Variants in NCAM2 observed in about 807,000 individuals in gnomAD.
NCAM2 encodes N-CAM-2.
Under a neutral mutation model 98.1 loss-of-function variants are expected in NCAM2, and 30 were observed. The observed-to-expected ratio is 0.31, with a 90% confidence interval of 0.23 to 0.41. The LOEUF (loss-of-function observed/expected upper bound fraction) is 0.41. Ranked by LOEUF, NCAM2 falls within the 10% of genes least tolerant of loss-of-function variation. NCAM2 has a pLI of 1.00. For synonymous variants in NCAM2, 368 were observed against 342.4 expected (o/e 1.07, Z -0.83); for missense variants, 867 against 1,005.8 (o/e 0.86, Z 1.87).
chr21:21,527,403 A>G (rs1989387000), intron 16 of NCAM2, among the ~76,000 whole-genome samples: 1 of 152,172 alleles, frequency 6.6e-6, no homozygotes, highest in Non-Finnish European at 1.5e-5. Flanking sequence ...AGACATTGTT[A>G]AGTGAATGAA....
intron 1 of NCAM2, among the ~76,000 whole-genome samples, chr21:21,149,914 C>T (rs1409982263): frequency 1.3e-5 from 2 of 151,990 alleles, no homozygotes; most frequent in Non-Finnish European, 2.9e-5. Flanking sequence ...GATTTATAAT[C>T]CTTTGGGTAT....
chr21:21,155,882 G>A (rs569887171), intron 1 of NCAM2, among the ~76,000 whole-genome samples: 4 of 152,008 alleles, frequency 2.6e-5, no homozygotes, highest in East Asian at 1.9e-4. Context: ...AATACTAGCA[G>A]ATACTTTGGG....
intron 4 of NCAM2, among the ~76,000 whole-genome samples, chr21:21,289,245 A>G (rs187813690): frequency 6.6e-6 from 1 of 151,988 alleles, no homozygotes; most frequent in East Asian, 1.9e-4. Flanking sequence ...TGGAATACAC[A>G]GGATCTATGC....
chr21:21,031,466 A>G (rs1468192943), intron 1 of NCAM2, among the ~76,000 whole-genome samples: 1 of 152,076 alleles, frequency 6.6e-6, no homozygotes, highest in Admixed American at 6.6e-5. Context: ...TCCCAAATCT[A>G]AGATAGAGAT....
At chr21:21,175,297 G>A (rs1357898294) in intron 1 of NCAM2, among the ~76,000 whole-genome samples, 1 of 152,106 alleles carries the variant, frequency 6.6e-6, no homozygotes, top group Non-Finnish European at 1.5e-5. Flanking sequence ...CAGTTTGGGA[G>A]GCCGAGCCAG....
intron 1 of NCAM2, among the ~76,000 whole-genome samples, chr21:21,033,267 A>G (rs554580824): frequency 1.2e-4 from 19 of 152,172 alleles, no homozygotes; most frequent in Admixed American, 3.3e-4. Context: ...GGTTTCATAC[A>G]AGACGAACAT....
intron 11 of NCAM2, among the ~76,000 whole-genome samples, chr21:21,420,626 A>G (rs1171666491): frequency 6.6e-6 from 1 of 152,010 alleles, no homozygotes; most frequent in Non-Finnish European, 1.5e-5. Context: ...TATTCTAAAT[A>G]TTAATGTCAT....
intron 1 of NCAM2, among the ~76,000 whole-genome samples, chr21:21,114,830 T>TTC (rs201921004): frequency 0.11 from 1,060 of 9,278 alleles, 7 homozygotes; most frequent in East Asian, 0.26. Context: ...TTCTGACTTT[T>TTC]TTTTTTTTTT....
intron 1 of NCAM2, among the ~76,000 whole-genome samples, chr21:21,019,633 A>AT (rs994743169): frequency 4.6e-5 from 7 of 152,130 alleles, no homozygotes; most frequent in South Asian, 2.1e-4. Context: ...ATTTATAATT[A>AT]TTTTTTTTAT....
intron 16 of NCAM2, among the ~76,000 whole-genome samples, chr21:21,530,289 TATATATA>T (rs982783358): frequency 7.9e-6 from 1 of 126,338 alleles, no homozygotes; most frequent in African/African-American, 3.0e-5. Context: ...TTAATTTAAT[TATATATA>T]ATTAAATTAA....
At chr21:21,127,299 G>A (rs892407464) in intron 1 of NCAM2, among the ~76,000 whole-genome samples, 2 of 151,784 alleles carry the variant, frequency 1.3e-5, no homozygotes, top group African/African-American at 4.8e-5. Context: ...ACATTTGCAA[G>A]TATAGTCAAT....
chr21:21,316,533 C>CT (rs34341259), intron 5 of NCAM2, among the ~76,000 whole-genome samples: 76,001 of 110,932 alleles, frequency 0.69, 27,146 homozygotes, highest in South Asian at 0.8. Flanking sequence ...ATCTTTTATT[C>CT]TTTTTTTTTT....
At chr21:21,307,425 T>C (rs1486564331) in intron 5 of NCAM2, among the ~76,000 whole-genome samples, 4 of 152,300 alleles carry the variant, frequency 2.6e-5, no homozygotes, top group African/African-American at 9.6e-5. Flanking sequence ...TTTCTATTTC[T>C]GCTCCAACAA....
chr21:21,357,027 G>A (rs1339812861), intron 8 of NCAM2, among the ~76,000 whole-genome samples: 1 of 100,058 alleles, frequency 1.0e-5, no homozygotes, highest in Non-Finnish European at 2.1e-5. Flanking sequence ...ATAAATAAAT[G>A]TTTCTTGCTT....
intron 1 of NCAM2, among the ~76,000 whole-genome samples, chr21:21,024,800 T>C (rs2064508840): frequency 1.3e-5 from 2 of 151,630 alleles, no homozygotes; most frequent in South Asian, 4.2e-4. Context: ...GGCAGGAGAG[T>C]TGCTGGAACC....
chr21:21,177,909 A>T (rs1459444799), intron 1 of NCAM2, among the ~76,000 whole-genome samples: 1 of 152,092 alleles, frequency 6.6e-6, no homozygotes, highest in Non-Finnish European at 1.5e-5. Context: ...CCATGGGACA[A>T]TGTTAATTAT....
At chr21:21,336,791 A>G (rs1286913898) in intron 7 of NCAM2, among the ~76,000 whole-genome samples, 1 of 152,218 alleles carries the variant, frequency 6.6e-6, no homozygotes, top group African/African-American at 2.4e-5. Flanking sequence ...AAAAAATACA[A>G]TTTTAAAAGT....
At position 21,280,637 on chromosome 21, in the gene NCAM2, T is replaced by C; in HGVS notation, c.115T>C (p.Phe39Leu). The C allele has an allele frequency of 6.3e-7, 1 of 1,593,370 alleles. No individual in the cohort carries two copies. The highest frequency in any genetic ancestry group is 8.5e-7 in the Non-Finnish European group (1 of 1,169,594). Residue 39 changes from phenylalanine to leucine, a missense_variant, in exon 2 of 18, where the codon TTC (phenylalanine) becomes CTC (leucine). Phe to Leu is a conservative substitution (Grantham distance 22). Around this residue, in one of 5 missense-constraint regions of NCAM2, gnomAD observed 447 missense variants for 495.7 expected, o/e 0.90. Coordinates refer to ENST00000400546, the MANE Select transcript of NCAM2 (RefSeq NM_004540.5). Reference protein sequence around the residue: ...KVELSVGESKFFTCTAIGEPE... With the variant: ...KVELSVGESKLFTCTAIGEPE... ...AGAGCTTAGTGTTGGAGAATCTAAA[T>C]TCTTCACATGTACAGGTACGTATTT...
intron 1 of NCAM2, among the ~76,000 whole-genome samples, chr21:21,180,345 A>G (rs933040147): frequency 9.9e-5 from 15 of 152,158 alleles, no homozygotes; most frequent in African/African-American, 3.6e-4. Context: ...TCTATTTGCT[A>G]TTGAGTTGTT....
Sources: gnomAD v4.1 joint callset for allele counts (sites outside exome capture counted in the v4.1 genomes callset) on GRCh38, gnomAD v4.1.1 for gene constraint, gnomAD v4.1.1 regional missense constraint, MANE v1.5 for transcripts, NCBI Gene and HGNC (gene_info 2026-07-23, HGNC 2026-07-21) for gene names.